CTIF: variants seen among roughly 807,000 people sequenced by gnomAD.
The protein encoded by CTIF is cap binding complex dependent translation initiation factor.
Under a neutral mutation model 66.0 loss-of-function variants are expected in CTIF, and 21 were observed. The ratio of observed to expected loss-of-function variants is 0.32; its 90% confidence interval spans 0.23 to 0.46. The LOEUF (loss-of-function observed/expected upper bound fraction) is 0.46, where lower values mean the gene tolerates loss of function less well. CTIF is among the 20% of genes least tolerant of loss of function. The probability of loss-of-function intolerance (pLI) is 1.00; values close to 1 mark genes in which losing one functional copy is unlikely to be tolerated. For synonymous variants in CTIF, 345 were observed against 326.4 expected (o/e 1.06, Z -0.62); for missense variants, 739 against 812.7 (o/e 0.91, Z 1.10).
At chr18:48,563,211 A>ATGACACCCAGCCTC (rs1297285449) in intron 1 of CTIF, among the ~76,000 whole-genome samples, 1 of 58,836 alleles carries the variant, frequency 1.7e-5, no homozygotes, top group Non-Finnish European at 4.6e-5. Flanking sequence ...GTCTGCAGGG[A>ATGACACCCAGCCTC]TGACACCCAG....
chr18:48,685,380 G>A (rs1215880670), intron 6 of CTIF, among the ~76,000 whole-genome samples: 2 of 151,844 alleles, frequency 1.3e-5, no homozygotes, highest in East Asian at 1.9e-4. Context: ...ATGCCACCAC[G>A]CCCGGCTAAT....
chr18:48,579,403 C>T (rs1004029968), intron 1 of CTIF, among the ~76,000 whole-genome samples: 1 of 152,204 alleles, frequency 6.6e-6, no homozygotes, highest in Non-Finnish European at 1.5e-5. Flanking sequence ...GCCTCGGCTT[C>T]CCAAAGTGCT....
At chr18:48,584,032 T>A (rs2089717542) in intron 1 of CTIF, among the ~76,000 whole-genome samples, 1 of 152,136 alleles carries the variant, frequency 6.6e-6, no homozygotes, top group Non-Finnish European at 1.5e-5. Context: ...GAAATAGACA[T>A]CTCTTATCTT....
intron 1 of CTIF, among the ~76,000 whole-genome samples, chr18:48,556,755 G>A (rs1253473524): frequency 6.6e-6 from 1 of 152,120 alleles, no homozygotes; most frequent in Non-Finnish European, 1.5e-5. Context: ...GGTAGAGATG[G>A]GGTTTCACCA....
At chr18:48,563,131 T>C (rs1173342134) in intron 1 of CTIF, among the ~76,000 whole-genome samples, 3 of 152,170 alleles carry the variant, frequency 2.0e-5, no homozygotes, top group African/African-American at 7.2e-5. Flanking sequence ...CTTAGGATGC[T>C]CCCTGTTTGC....
intron 7 of CTIF, among the ~76,000 whole-genome samples, chr18:48,749,688 A>C (rs1464709270): frequency 1.3e-5 from 2 of 152,214 alleles, no homozygotes; most frequent in Non-Finnish European, 2.9e-5. Flanking sequence ...ATTTGTTCCC[A>C]TTTTATAGGG....
intron 1 of CTIF, among the ~76,000 whole-genome samples, chr18:48,615,108 C>T (rs1344973435): frequency 6.6e-6 from 1 of 152,094 alleles, no homozygotes; most frequent in Admixed American, 6.5e-5. Flanking sequence ...GTTGCCTAGG[C>T]TGGTATCAAA....
chr18:48,813,885 A>G (rs1443924725), intron 9 of CTIF, among the ~76,000 whole-genome samples: 2 of 152,170 alleles, frequency 1.3e-5, no homozygotes, highest in Non-Finnish European at 2.9e-5. Flanking sequence ...CCGAATCTCC[A>G]AGGCCTGGAA....
At chr18:48,790,690 TC>T (rs2067773341) in intron 9 of CTIF, among the ~76,000 whole-genome samples, 2 of 152,184 alleles carry the variant, frequency 1.3e-5, no homozygotes, top group Admixed American at 1.3e-4. Context: ...CAGCCTTCAT[TC>T]TCACAGGCCA....
intron 5 of CTIF, among the ~76,000 whole-genome samples, chr18:48,668,524 G>A (rs763011640): frequency 6.6e-6 from 1 of 152,186 alleles, no homozygotes; most frequent in Admixed American, 6.5e-5. Context: ...ACAGCCGGGG[G>A]CCGGGGGAAA....
intron 7 of CTIF, among the ~76,000 whole-genome samples, chr18:48,719,286 CCT>C (rs1437810630): frequency 1.3e-5 from 2 of 152,056 alleles, no homozygotes; most frequent in Admixed American, 1.3e-4. Flanking sequence ...TCTCGACATC[CCT>C]CTCTTTAAGT....
chr18:48,622,504 G>C (rs2090515306), intron 2 of CTIF, among the ~76,000 whole-genome samples: 1 of 152,148 alleles, frequency 6.6e-6, no homozygotes, highest in African/African-American at 2.4e-5. Context: ...CAGGAGAAAA[G>C]TCCTTGAGGA....
intron 3 of CTIF, among the ~76,000 whole-genome samples, chr18:48,646,974 G>A (rs1389053044): frequency 6.6e-6 from 1 of 150,560 alleles, no homozygotes; most frequent in African/African-American, 2.4e-5. Context: ...GCACTCCTGG[G>A]TGTTTATCCC....
chr18:48,708,657 G>T (rs1391356692), intron 6 of CTIF, among the ~76,000 whole-genome samples: 2 of 152,202 alleles, frequency 1.3e-5, no homozygotes, highest in Admixed American at 6.5e-5. Flanking sequence ...CTCAGAGGGT[G>T]CAAGGCTTTG....
intron 6 of CTIF, among the ~76,000 whole-genome samples, chr18:48,678,808 TG>T (rs1219336029): frequency 6.6e-6 from 1 of 152,184 alleles, no homozygotes; most frequent in African/African-American, 2.4e-5. Context: ...TCAAGGGGCC[TG>T]GGCAAGTCTG....
Position 48,832,941 on chromosome 18 carries a change from CG to C in CTIF, c.1527+15567del, listed in dbSNP as rs547430322. On this transcript the variant is annotated intron_variant, in intron 10 of 11. Coordinates refer to ENST00000256413, the MANE Select transcript of CTIF (RefSeq NM_014772.3). ...GTCAGGAAGTGCTGAGTCTGGGGGG[CG>C]GAGGTGGTAGGGAATGAATTAGTCT... 9.9e-5 allele frequency among the ~76,000 whole-genome samples: 15 copies of C among 152,204 alleles called. No homozygotes were observed. In the East Asian group the frequency reaches 2.7e-3, roughly 27 times the overall value.
intron 7 of CTIF, among the ~76,000 whole-genome samples, chr18:48,747,783 T>C (rs1361046764): frequency 1.3e-5 from 2 of 150,538 alleles, no homozygotes; most frequent in Non-Finnish European, 3.0e-5. Context: ...CCAGTCATGA[T>C]GTCACGAGCC....
Position 48,833,542 on chromosome 18 carries a change from A to T in CTIF, c.1527+16166A>T, listed in dbSNP as rs531969413. Among the ~76,000 whole-genome samples the T allele has an allele frequency of 3.3e-5, 5 of 152,196 alleles. No homozygotes were observed. The South Asian group carries it at 8.3e-4, about 25-fold the overall frequency. Reference sequence around the variant, plus strand: ...ACGTTCCTAAAGCCTGCCTAGTCCCATCAGATCACCTCACCCCTTTCCTAG... The same window carrying T: ...ACGTTCCTAAAGCCTGCCTAGTCCCTTCAGATCACCTCACCCCTTTCCTAG... On this transcript the variant is annotated intron_variant, in intron 10 of 11. Transcript: ENST00000256413.
intron 1 of CTIF, among the ~76,000 whole-genome samples, chr18:48,616,307 C>T (rs969742826): frequency 3.9e-5 from 6 of 152,228 alleles, no homozygotes; most frequent in East Asian, 1.9e-4. Flanking sequence ...TCCCATCCAG[C>T]GGAGGCCAGC....
Sources: gnomAD v4.1 joint callset for allele counts (sites outside exome capture counted in the v4.1 genomes callset) on GRCh38, gnomAD v4.1.1 for gene constraint, MANE v1.5 for transcripts, NCBI Gene and HGNC (gene_info 2026-07-23, HGNC 2026-07-21) for gene names.